Variants in SEMA6D observed in about 807,000 individuals in gnomAD.
SEMA6D encodes semaphorin-6D.
Under a neutral mutation model 106.6 loss-of-function variants are expected in SEMA6D, and 35 were observed. The observed-to-expected ratio is 0.33, with a 90% CI of 0.25 to 0.44. SEMA6D has a LOEUF of 0.44. SEMA6D is among the 20% of genes least tolerant of loss of function. SEMA6D has a pLI of 1.00. For synonymous variants in SEMA6D, 499 were observed against 487.7 expected (o/e 1.02, Z -0.31); for missense variants, 1,185 against 1,345.9 (o/e 0.88, Z 1.87).
chr15:47,572,769 T>C (rs916224083), intron 3 of SEMA6D, among the ~76,000 whole-genome samples: 1 of 152,192 alleles, frequency 6.6e-6, no homozygotes, highest in African/African-American at 2.4e-5. Flanking sequence ...AGCTCTGGAA[T>C]TATTATTTTT....
chr15:47,446,386 C>A (rs937669559), intron 2 of SEMA6D, among the ~76,000 whole-genome samples: 14 of 152,084 alleles, frequency 9.2e-5, no homozygotes, highest in African/African-American at 3.1e-4. Flanking sequence ...TGTGTTAGTG[C>A]ACATATTATT....
rs60472859 is a variant in SEMA6D, at chr15:47,670,186, C to T, written c.-55+69290C>T. Among the ~76,000 whole-genome samples, 610 of 152,272 alleles carry T rather than the reference C, an allele frequency of 4.0e-3. 1 individual carries two copies. Among genetic ancestry groups the T allele is most frequent in the African/African-American group, 0.014 (585 of 41,540 alleles). On this transcript the variant is annotated intron_variant, in intron 4 of 19. Transcript: ENST00000558014. ...ATTAGTCAGTCCCTTCTCTATGCTC[C>T]CTTAACTTCCCATAAATACTGTTAG...
At chr15:47,674,529 C>T (rs1402635230) in intron 4 of SEMA6D, among the ~76,000 whole-genome samples, 1 of 152,190 alleles carries the variant, frequency 6.6e-6, no homozygotes, top group Admixed American at 6.5e-5. Flanking sequence ...ACATTTGCCT[C>T]CTTTAGTGAC....
chr15:47,216,956 A>G (rs575948204), intron 1 of SEMA6D, among the ~76,000 whole-genome samples: 15 of 152,238 alleles, frequency 9.9e-5, no homozygotes, highest in Non-Finnish European at 1.8e-4. Context: ...CCCGCAGATA[A>G]TGGTATTAGA....
At chr15:47,198,467 A>G (rs895555109) in intron 1 of SEMA6D, among the ~76,000 whole-genome samples, 4 of 152,242 alleles carry the variant, frequency 2.6e-5, no homozygotes, top group Middle Eastern at 6.8e-3. Flanking sequence ...AAAAAATAAG[A>G]TATGGATCCC....
intron 4 of SEMA6D, among the ~76,000 whole-genome samples, chr15:47,704,974 A>T (rs1239333557): frequency 6.6e-6 from 1 of 152,224 alleles, no homozygotes; most frequent in Non-Finnish European, 1.5e-5. Flanking sequence ...AGGTTCTATA[A>T]TAGTAAAAAT....
At position 47,771,140 on chromosome 15, in the gene SEMA6D, T is replaced by C; in HGVS notation, c.2577T>C (p.Pro859=). 2 of 1,614,050 alleles carry C rather than the reference T, an allele frequency of 1.2e-6. No homozygotes were observed. Among genetic ancestry groups the C allele is most frequent in the Non-Finnish European group, 1.7e-6 (2 of 1,179,984 alleles). ...AGAAGCTTCAAAACATTGATCACCC[T>C]CTCACAAAGTCATCCAGTAAGAGAG... ...AEKKLQNIDH[P]LTKSSSKRDH... The change falls in exon 19 of 19, where the codon CCT becomes CCC. Residue 859 remains proline, a synonymous_variant. Transcript: ENST00000536845.
At chr15:47,353,241 G>C (rs1017721852) in intron 1 of SEMA6D, among the ~76,000 whole-genome samples, 6 of 152,076 alleles carry the variant, frequency 3.9e-5, no homozygotes, top group African/African-American at 1.4e-4. Flanking sequence ...TTTTGTCTTT[G>C]TAATGGAGGC....
At chr15:47,465,277 CCTCTAA>C (rs551417135) in intron 2 of SEMA6D, among the ~76,000 whole-genome samples, 43 of 152,226 alleles carry the variant, frequency 2.8e-4, no homozygotes, top group Non-Finnish European at 5.4e-4. Context: ...TTCTATTTGG[CCTCTAA>C]CTCTAACCTC....
intron 3 of SEMA6D, among the ~76,000 whole-genome samples, chr15:47,564,399 A>G (rs2046169146): frequency 6.6e-6 from 1 of 152,220 alleles, no homozygotes; most frequent in Non-Finnish European, 1.5e-5. Context: ...TGATAAGAAT[A>G]CAGGATATTA....
At chr15:47,765,520 G>A in intron 13 of SEMA6D, 1 of 885,538 alleles carries the variant, frequency 1.1e-6, no homozygotes, top group South Asian at 5.3e-5. Context: ...GAGAAATGGA[G>A]CCAAGGGGAC....
chr15:47,363,957 T>A (rs2038911312), intron 1 of SEMA6D, among the ~76,000 whole-genome samples: 1 of 151,890 alleles, frequency 6.6e-6, no homozygotes. Flanking sequence ...AACCATCAGC[T>A]CTCCTGAGAA....
chr15:47,273,538 A>T (rs1275663678), intron 1 of SEMA6D, among the ~76,000 whole-genome samples: 1 of 152,206 alleles, frequency 6.6e-6, no homozygotes, highest in Non-Finnish European at 1.5e-5. Context: ...CAACATAGGT[A>T]ATTTCTATTT....
At chr15:47,318,872 A>G (rs929775199) in intron 1 of SEMA6D, among the ~76,000 whole-genome samples, 11 of 150,968 alleles carry the variant, frequency 7.3e-5, no homozygotes, top group Non-Finnish European at 1.3e-4. Flanking sequence ...GAACTAGTTT[A>G]CAGTCCCACC....
intron 1 of SEMA6D, among the ~76,000 whole-genome samples, chr15:47,748,443 A>G (rs2081260170): frequency 6.6e-6 from 1 of 152,244 alleles, no homozygotes; most frequent in South Asian, 2.1e-4. Flanking sequence ...AGCACAGCCC[A>G]ATAGAGAAAA....
At chr15:47,715,525 C>G (rs2079094220), upstream of SEMA6D, among the ~76,000 whole-genome samples, 1 of 152,154 alleles carries the variant, frequency 6.6e-6, no homozygotes, top group African/African-American at 2.4e-5. Context: ...CAGTGAAGAG[C>G]CTACTTCCTA....
chr15:47,295,965 C>G (rs1444466039), intron 1 of SEMA6D, among the ~76,000 whole-genome samples: 1 of 152,210 alleles, frequency 6.6e-6, no homozygotes, highest in Non-Finnish European at 1.5e-5. Context: ...TATTGCTCTT[C>G]TGCCAGCTCC....
chr15:47,453,779 T>A (rs989582269), intron 2 of SEMA6D, among the ~76,000 whole-genome samples: 3 of 151,960 alleles, frequency 2.0e-5, no homozygotes, highest in African/African-American at 7.2e-5. Context: ...GATACCATCT[T>A]TGGCCAGAAT....
intron 1 of SEMA6D, among the ~76,000 whole-genome samples, chr15:47,286,546 T>C (rs958684859): frequency 6.6e-6 from 1 of 152,152 alleles, no homozygotes; most frequent in Non-Finnish European, 1.5e-5. Flanking sequence ...TTTTTGCAAA[T>C]TTCTTTCATA....
Sources: gnomAD v4.1 joint callset for allele counts (sites outside exome capture counted in the v4.1 genomes callset) on GRCh38, gnomAD v4.1.1 for gene constraint, MANE v1.5 for transcripts, NCBI Gene and HGNC (gene_info 2026-07-23, HGNC 2026-07-21) for gene names.